The following HSPA4 variants were observed in gnomAD, a reference collection of about 807,000 sequenced individuals.
The protein encoded by HSPA4 is heat shock protein family A (Hsp70) member 4, also known as heat shock 70 kDa protein 4.
HSPA4 carries 25 observed loss-of-function variants against 106.2 expected under a neutral mutation model. That is an observed-to-expected ratio of 0.24 (90% CI 0.17 to 0.33). The LOEUF (loss-of-function observed/expected upper bound fraction) is 0.33, where lower values mean the gene tolerates loss of function less well. Among genes scored for constraint, HSPA4 ranks in the 10% least tolerant of loss-of-function variants. The pLI is 1.00. For synonymous variants in HSPA4, 332 were observed against 333.6 expected (o/e 1.00, Z 0.05); for missense variants, 841 against 996.0 (o/e 0.84, Z 2.10).
rs1561583648 is a variant in HSPA4, at chr5:133,088,421, A to G, written c.1003A>G (p.Ile335Val). The stretch of plus-strand genomic sequence containing the variant: ...AAAAATAGAGTTAAAGAAAGAAGAT[A>G]TTTATGCAGTGGAGATAGTTGGTGG... ...LEQTKLKKED[I>V]YAVEIVGGAT... Residue 335 changes from isoleucine (I) to valine (V), a missense_variant, in exon 9 of 19, where the codon ATT becomes GTT. Physicochemically the swap from Ile to Val is conservative, Grantham distance 29. Transcript: ENST00000304858. The G allele has an allele frequency of 1.9e-6, 3 of 1,609,156 alleles. No individual in the cohort carries two copies. The highest frequency in any genetic ancestry group is 2.7e-5 in the African/African-American group (2 of 74,790).
At chr5:133,056,841 C>T (rs1352938669) in intron 1 of HSPA4, among the ~76,000 whole-genome samples, 1 of 152,082 alleles carries the variant, frequency 6.6e-6, no homozygotes, top group African/African-American at 2.4e-5. Context: ...TTCTCTACTT[C>T]ATTGGAGATT....
intron 7 of HSPA4, among the ~76,000 whole-genome samples, chr5:133,079,981 T>C (rs1489982072): frequency 6.6e-6 from 1 of 152,224 alleles, no homozygotes; most frequent in Non-Finnish European, 1.5e-5. Flanking sequence ...TTTCTTTCCT[T>C]GTTGAGGATC....
intron 2 of HSPA4, among the ~76,000 whole-genome samples, chr5:133,066,074 G>T (rs1425750903): frequency 2.0e-5 from 3 of 152,160 alleles, no homozygotes; most frequent in Non-Finnish European, 4.4e-5. Context: ...AAAATATTGG[G>T]CCATTTTGAA....
intron 17 of HSPA4, among the ~76,000 whole-genome samples, chr5:133,102,136 A>G (rs1040770815): frequency 1.3e-5 from 2 of 152,122 alleles, no homozygotes; most frequent in Admixed American, 1.3e-4. Flanking sequence ...CATGTTGGCC[A>G]GGCTGGTCTC....
In HSPA4 at chr5:133,088,530, C is replaced by T; in HGVS notation, c.1112C>T (p.Ala371Val). ...AGTACAACATTAAATGCTGATGAAG[C>T]TGTCACTCGAGGCTGTGCATTGCAG... ...ELSTTLNADE[A>V]VTRGCALQCA... The change falls in exon 9 of 19, where the codon GCT becomes GTT. Residue 371 changes from alanine (A) to valine (V), a missense_variant. Physicochemically the swap from Ala to Val is moderately conservative, Grantham distance 64 (BLOSUM62 0). This residue lies in a region of HSPA4 where 162 missense variants were observed against 177.7 expected (regional missense o/e 0.91). Transcript: ENST00000304858. 6.2e-7 allele frequency: 1 copy of T among 1,613,872 alleles called. No homozygotes were observed. The highest frequency in any genetic ancestry group is 1.1e-5 in the South Asian group (1 of 91,078).
At chr5:133,056,750 A>G (rs1765170486) in intron 1 of HSPA4, among the ~76,000 whole-genome samples, 1 of 152,208 alleles carries the variant, frequency 6.6e-6, no homozygotes, top group Admixed American at 6.5e-5. Context: ...GATATACTGT[A>G]TATACTTAAA....
intron 1 of HSPA4, among the ~76,000 whole-genome samples, chr5:133,061,654 C>G (rs1244696402): frequency 6.6e-6 from 1 of 152,160 alleles, no homozygotes; most frequent in African/African-American, 2.4e-5. Context: ...GAGTCTTGCT[C>G]TCTTGCCCAG....
In HSPA4 at chr5:133,088,483, C is replaced by T. The variant is rs1765605991; in HGVS notation, c.1065C>T (p.Ser355=). 1.2e-6 allele frequency: 2 copies of T among 1,613,506 alleles called. No homozygotes were observed. Among genetic ancestry groups the T allele is most frequent in the African/African-American group, 1.3e-5 (1 of 75,034 alleles). The change falls in exon 9 of 19, where the codon AGC becomes AGT. Residue 355 remains serine, a synonymous_variant. Transcript: ENST00000304858. The part of the protein sequence containing the change: ...TRIPAVKEKI[S]KFFGKELSTT... Reference sequence around the variant, plus strand: ...TCCCTGCGGTAAAAGAGAAGATCAGCAAATTTTTCGGTAAAGAACTTAGTA... The same window carrying T: ...TCCCTGCGGTAAAAGAGAAGATCAGTAAATTTTTCGGTAAAGAACTTAGTA...
Position 133,099,649 on chromosome 5 carries a change from A to G in HSPA4, c.2034A>G (p.Leu678=). The change falls in exon 16 of 19, where the codon TTA becomes TTG. Residue 678 remains leucine (L), a synonymous_variant. Coordinates refer to ENST00000304858, the MANE Select transcript of HSPA4 (RefSeq NM_002154.4). ...TTTATGTTGATAAGTTGGCTGAATT[A>G]AAAGTAAGTGACTCTTGAGAGCAGA... ...KQVYVDKLAE[L]KNLGQPIKIR... The G allele has an allele frequency of 1.3e-6, 2 of 1,560,746 alleles. No individual in the cohort carries two copies. The highest frequency in any genetic ancestry group is 2.3e-5 in the South Asian group (2 of 88,868).
At chr5:133,095,237 G>A (rs1482872710) in intron 13 of HSPA4, among the ~76,000 whole-genome samples, 2 of 152,170 alleles carry the variant, frequency 1.3e-5, no homozygotes, top group African/African-American at 4.8e-5. Context: ...GAGAGGCAGA[G>A]GTTGCAGTGA....
At chr5:133,063,882 C>G (rs1240810962) in intron 1 of HSPA4, among the ~76,000 whole-genome samples, 1 of 152,160 alleles carries the variant, frequency 6.6e-6, no homozygotes, top group Non-Finnish European at 1.5e-5. Flanking sequence ...CTGCCTCAGC[C>G]TCTTGAGTAG....
Position 133,070,282 on chromosome 5 carries a change from A to G in HSPA4, c.307-92A>G, listed in dbSNP as rs1030111387. The G allele has an allele frequency of 1.9e-5, 24 of 1,241,764 alleles. No homozygotes were observed. The African/African-American group carries it at 3.6e-4, about 19-fold the overall frequency. 76.9% of individuals were successfully genotyped at this position (1,241,764 alleles called of 1,614,324 possible). On this transcript the variant is annotated intron_variant, in intron 3 of 18. Transcript: ENST00000304858. ...CCCCTCTTGAGATAATGTTGCATTGATAATGGGAAGCATTGTTCATTTTAG... is the reference window on the plus strand; with the variant it reads ...CCCCTCTTGAGATAATGTTGCATTGGTAATGGGAAGCATTGTTCATTTTAG...
chr5:133,053,184 T>TA (rs1219393903), intron 1 of HSPA4, among the ~76,000 whole-genome samples: 3 of 152,160 alleles, frequency 2.0e-5, no homozygotes, highest in Non-Finnish European at 2.9e-5. Context: ...GACACAGTTC[T>TA]AAAAAATGGT....
chr5:133,063,191 G>A (rs1353145726), intron 1 of HSPA4, among the ~76,000 whole-genome samples: 1 of 152,034 alleles, frequency 6.6e-6, no homozygotes, highest in Admixed American at 6.6e-5. Flanking sequence ...CAGGCTCCTG[G>A]GTTCAGGTGA....
intron 15 of HSPA4, among the ~76,000 whole-genome samples, chr5:133,098,720 T>A (rs1765746753): frequency 6.6e-6 from 1 of 152,110 alleles, no homozygotes; most frequent in African/African-American, 2.4e-5. Context: ...TTGCCCAGGC[T>A]GGAGTACAGT....
In HSPA4 at chr5:133,105,397, G is replaced by A. The variant is rs1765844120; in HGVS notation, c.*961G>A. 6.6e-6 allele frequency: 1 copy of A among 152,140 alleles called. No individual in the cohort carries two copies. The highest frequency in any genetic ancestry group is 1.5e-5 in the Non-Finnish European group (1 of 68,030). The allele number at this position is 152,140 out of a possible 1,614,324, so 9.4% of individuals were successfully genotyped here. A position where few individuals can be genotyped will look rare whatever the true frequency, so the allele number is the denominator to read the frequency against. On this transcript the variant is annotated 3_prime_UTR_variant, in exon 19 of 19. Transcript: ENST00000304858. ...ATATCTGTCATGAACCTGCCAATTT[G>A]TACGTGTTAAGCAGCTGACAGATGA...
chr5:133,068,441 G>A (rs1306389434), intron 3 of HSPA4, among the ~76,000 whole-genome samples: 1 of 151,866 alleles, frequency 6.6e-6, no homozygotes, highest in Non-Finnish European at 1.5e-5. Context: ...AGGGGGGGTG[G>A]GGGCGTGATT....
At chr5:133,072,562 AT>A (rs1221515710) in intron 4 of HSPA4, among the ~76,000 whole-genome samples, 4,196 of 130,026 alleles carry the variant, frequency 0.032, 118 homozygotes, top group African/African-American at 0.082. Context: ...CTAGTGGTTT[AT>A]TTTTTTTTTT....
rs373015930 is a variant in HSPA4, at chr5:133,070,271, A to G, written c.307-103A>G. The G allele has an allele frequency of 1.7e-4, 196 of 1,140,162 alleles. 2 individuals carry two copies. In the East Asian group the frequency reaches 2.0e-3, roughly 11 times the overall value. The allele number at this position is 1,140,162 out of a possible 1,614,324, so 70.6% of individuals were successfully genotyped here. On this transcript the variant is annotated intron_variant, in intron 3 of 18. Coordinates refer to ENST00000304858, the MANE Select transcript of HSPA4 (RefSeq NM_002154.4). Reference sequence around the variant, plus strand: ...TTTTTTTCAATCCCCTCTTGAGATAATGTTGCATTGATAATGGGAAGCATT... The same window carrying G: ...TTTTTTTCAATCCCCTCTTGAGATAGTGTTGCATTGATAATGGGAAGCATT...
Sources: gnomAD v4.1 joint callset for allele counts (sites outside exome capture counted in the v4.1 genomes callset) on GRCh38, gnomAD v4.1.1 for gene constraint, gnomAD v4.1.1 regional missense constraint, MANE v1.5 for transcripts, NCBI Gene and HGNC (gene_info 2026-07-23, HGNC 2026-07-21) for gene names.